The following NXN variants were observed in gnomAD, a reference collection of about 807,000 sequenced individuals.
NXN encodes the protein nucleoredoxin 1.
In NXN, 16 loss-of-function variants were observed where a neutral mutation model predicts 48.6. The observed-to-expected ratio is 0.33, with a 90% CI of 0.22 to 0.50. The LOEUF (loss-of-function observed/expected upper bound fraction) is 0.50. Among genes scored for constraint, NXN ranks in the 20% least tolerant of loss-of-function variants. The pLI is 0.98. For missense variants in NXN, 492 were observed against 605.5 expected (o/e 0.81, Z 1.97); for synonymous variants, 281 against 269.6 (o/e 1.04, Z -0.41).
At chr17:979,185 G>T (rs1409837645) in intron 1 of NXN, 134 bp downstream of exon 1, 4 of 278,264 alleles carry the variant, frequency 1.4e-5, no homozygotes, top group Non-Finnish European at 2.4e-5. Context: ...GGGACTGGGG[G>T]CAGGGGTCGG....
Position 874,202 on chromosome 17 carries a change from G to A in NXN, c.361-48124C>T, listed in dbSNP as rs140902536. 3.9e-3 allele frequency among the ~76,000 whole-genome samples: 594 copies of A among 152,302 alleles called. 6 individuals are homozygous for A. Among genetic ancestry groups the A allele is most frequent in the Non-Finnish European group, 4.5e-3 (306 of 68,026 alleles). ...TTCCTGCCACCATGTGAAGAAGGAT[G>A]TGTTTGCTTCCCTTTCCCCCATGAT... On this transcript the variant is annotated intron_variant, in intron 1 of 7. Coordinates refer to ENST00000336868, the MANE Select transcript of NXN (RefSeq NM_022463.5).
intron 1 of NXN, among the ~76,000 whole-genome samples, chr17:853,347 T>C (rs8066919): frequency 0.011 from 1,691 of 151,266 alleles, 26 homozygotes; most frequent in African/African-American, 0.039. Flanking sequence ...ACTCGGGAGG[T>C]GGAGGCAGGA....
At chr17:879,606 C>A (rs16956546) in intron 1 of NXN, among the ~76,000 whole-genome samples, 2 of 151,830 alleles carry the variant, frequency 1.3e-5, no homozygotes, top group Admixed American at 6.6e-5. Flanking sequence ...GTTTTAAACC[C>A]GTGGAGCTAA....
At position 822,345 on chromosome 17, in the gene NXN, G is replaced by A. The variant is rs781532928; in HGVS notation, c.713+12C>T. ...ACAGAAAAGGGGCCCAGCACTTCAC[G>A]GCACGACTGACCTGTCTGCACTAAC... On this transcript the variant is annotated intron_variant, in intron 4 of 7. Coordinates refer to ENST00000336868, the MANE Select transcript of NXN (RefSeq NM_022463.5). 28 of 1,599,118 alleles carry A rather than the reference G, an allele frequency of 1.8e-5. No individual in the cohort carries two copies. The highest frequency in any genetic ancestry group is 1.6e-4 in the African/African-American group (12 of 74,564).
intron 1 of NXN, among the ~76,000 whole-genome samples, chr17:969,833 A>G (rs1399831851): frequency 6.6e-6 from 1 of 152,206 alleles, no homozygotes; most frequent in African/African-American, 2.4e-5. Flanking sequence ...GAAAACAAAG[A>G]GAAAGCCCTA....
At chr17:899,367 G>A (rs907807290) in intron 1 of NXN, among the ~76,000 whole-genome samples, 3 of 152,150 alleles carry the variant, frequency 2.0e-5, no homozygotes, top group Non-Finnish European at 4.4e-5. Context: ...ATATTGACGT[G>A]CTGGGTACAA....
chr17:913,641 A>C (rs971572084), intron 1 of NXN, among the ~76,000 whole-genome samples: 12 of 141,256 alleles, frequency 8.5e-5, no homozygotes, highest in Non-Finnish European at 1.3e-4. Flanking sequence ...GGAACCGATA[A>C]AGAGGCAGGT....
chr17:841,437 A>ACAG lies in NXN; in HGVS notation c.361-15360_361-15359insCTG, dbSNP rs1255495965. 2.1e-3 allele frequency among the ~76,000 whole-genome samples: 70 copies of ACAG among 33,250 alleles called. 3 individuals are homozygous for ACAG. Among genetic ancestry groups the ACAG allele is most frequent in the South Asian group, 3.2e-3 (3 of 952 alleles). The allele number at this position is 33,250 out of a possible 152,430, so 21.8% of individuals were successfully genotyped here. Reference sequence around the variant, plus strand: ...GACCACGGCGCATCTCACACGGGCGAGCAGGTCCCCCTGACCACGGCGCAT... The same window carrying ACAG: ...GACCACGGCGCATCTCACACGGGCGACAGGCAGGTCCCCCTGACCACGGCGCAT... On this transcript the variant is annotated intron_variant, in intron 1 of 7. Transcript: ENST00000336868.
intron 1 of NXN, 100 bp downstream of exon 1, chr17:979,219 C>A: frequency 1.9e-6 from 1 of 536,950 alleles, no homozygotes; most frequent in South Asian, 3.4e-5. Flanking sequence ...GGCAGGGGGA[C>A]AACGGGGTTG....
chr17:882,866 G>A (rs979476845), intron 1 of NXN, among the ~76,000 whole-genome samples: 7 of 151,646 alleles, frequency 4.6e-5, no homozygotes, highest in Middle Eastern at 3.4e-3. Flanking sequence ...GGGTTCAAGC[G>A]ATTCTCTTGC....
intron 6 of NXN, among the ~76,000 whole-genome samples, chr17:804,757 G>A (rs1322810828): frequency 5.3e-5 from 8 of 152,218 alleles, no homozygotes; most frequent in African/African-American, 9.6e-5. Flanking sequence ...TGCAGCTGCC[G>A]TGTGTGCCAC....
At chr17:883,679 C>T (rs1303074888) in intron 1 of NXN, among the ~76,000 whole-genome samples, 1 of 152,248 alleles carries the variant, frequency 6.6e-6, no homozygotes, top group Non-Finnish European at 1.5e-5. Context: ...CTTCAGTGGT[C>T]ACGGTCCCAT....
intron 1 of NXN, among the ~76,000 whole-genome samples, chr17:853,723 A>ATATATATATATATATTT (rs1491528474): frequency 2.5e-4 from 26 of 105,970 alleles, no homozygotes; most frequent in Non-Finnish European, 2.5e-4. Context: ...ATATATATAT[A>ATATATATATATATATTT]TTTTTTTTTT....
At chr17:939,516 C>G (rs1179325401) in intron 1 of NXN, among the ~76,000 whole-genome samples, 1 of 151,806 alleles carries the variant, frequency 6.6e-6, no homozygotes, top group Admixed American at 6.6e-5. Flanking sequence ...TAATTAATTC[C>G]TATATTTTTA....
chr17:951,014 C>G (rs2069102818), intron 1 of NXN, among the ~76,000 whole-genome samples: 1 of 151,830 alleles, frequency 6.6e-6, no homozygotes, highest in East Asian at 1.9e-4. Flanking sequence ...CAGAAAAAAC[C>G]GGGTAGAACC....
rs933510984 is a variant in NXN at position 932,003 on chromosome 17, G to A, written c.360+47316C>T. Among the ~76,000 whole-genome samples the A allele has an allele frequency of 1.4e-5, 2 of 147,720 alleles. No individual in the cohort carries two copies. Among genetic ancestry groups the A allele is most frequent in the Non-Finnish European group, 2.9e-5 (2 of 68,006 alleles). On this transcript the variant is annotated intron_variant, in intron 1 of 7. Transcript: ENST00000336868. This position sits in a 1 kb window ranked among gnomAD's most constrained non-coding sequence, Gnocchi z 4.1. The stretch of plus-strand genomic sequence containing the variant: ...TACTAAGAATACAAAAATTAGCCAG[G>A]TGTGGTGGTGGGTGCCTATAATCCC...
rs552072210 is a variant in NXN, at chr17:958,940, A to AAC, written c.360+20377_360+20378dup. 1.6e-3 allele frequency: 262 copies of AAC among 160,022 alleles called. 2 individuals carry two copies. Among genetic ancestry groups the AAC allele is most frequent in the African/African-American group, 4.7e-3 (195 of 41,452 alleles). The allele number at this position is 160,022 out of a possible 1,614,324, so 9.9% of individuals were successfully genotyped here. A position where few individuals can be genotyped will look rare whatever the true frequency, so the allele number is the denominator to read the frequency against. ...GCCTGAGACTTGTCTTTAAAAAAGAAACACACACACACACATACACACACA... is the reference window on the plus strand; with the variant it reads ...GCCTGAGACTTGTCTTTAAAAAAGAAACACACACACACACACATACACACACA... On this transcript the variant is annotated intron_variant, in intron 1 of 7. Coordinates refer to ENST00000336868, the MANE Select transcript of NXN (RefSeq NM_022463.5). The surrounding 1 kb of genome is among the most constrained non-coding windows in gnomAD (Gnocchi z 6.9).
In NXN at chr17:869,426, G is replaced by T. The variant is rs147907423; in HGVS notation, c.361-43348C>A. On this transcript the variant is annotated intron_variant, in intron 1 of 7. Coordinates refer to ENST00000336868, the MANE Select transcript of NXN (RefSeq NM_022463.5). ...GGGCTGCCTGACACATCTCTGCTCC[G>T]ACCAACAGGGTTAGGAACCTACACA... Among the ~76,000 whole-genome samples the T allele has an allele frequency of 5.7e-3, 861 of 152,174 alleles. 13 individuals are homozygous for T. The highest frequency in any genetic ancestry group is 0.019 in the African/African-American group (791 of 41,502).
intron 3 of NXN, 107 bp downstream of exon 3, chr17:823,525 G>A (rs1365995880): frequency 7.5e-7 from 1 of 1,339,224 alleles, no homozygotes; most frequent in Non-Finnish European, 1.0e-6. Context: ...CAGAAGGCCG[G>A]GAAATTCCTG....
Sources: gnomAD v4.1 joint callset for allele counts (sites outside exome capture counted in the v4.1 genomes callset) on GRCh38, gnomAD v4.1.1 for gene constraint, Gnocchi (gnomAD v3.1) non-coding constraint, MANE v1.5 for transcripts, NCBI Gene and HGNC (gene_info 2026-07-23, HGNC 2026-07-21) for gene names.